DENND2B: variants seen among roughly 807,000 people sequenced by gnomAD.
DENND2B encodes DENN domain-containing protein 2B.
DENND2B carries 32 observed loss-of-function variants against 116.0 expected under a neutral mutation model. That is an observed-to-expected ratio of 0.28 (90% CI 0.21 to 0.37). The LOEUF (loss-of-function observed/expected upper bound fraction) is 0.37. DENND2B is among the 10% of genes least tolerant of loss of function. The pLI is 1.00. For missense variants in DENND2B, 1,276 were observed against 1,477.7 expected (o/e 0.86, Z 2.24); for synonymous variants, 588 against 583.9 (o/e 1.01, Z -0.10).
intron 2 of DENND2B, among the ~76,000 whole-genome samples, chr11:8,738,215 G>A (rs570541858): frequency 6.6e-6 from 1 of 152,222 alleles, no homozygotes; most frequent in African/African-American, 2.4e-5. Flanking sequence ...CCATGTGCCT[G>A]CACTGGACGT....
chr11:8,773,422 T>C (rs2057216109), intron 1 of DENND2B, among the ~76,000 whole-genome samples: 1 of 152,086 alleles, frequency 6.6e-6, no homozygotes, highest in Non-Finnish European at 1.5e-5. Flanking sequence ...CCATCAAACA[T>C]GAGCTGAAAA....
chr11:8,718,079 A>G (rs910976759), intron 4 of DENND2B, 187 bp from the exon 5 acceptor site: 2 of 515,814 alleles, frequency 3.9e-6, no homozygotes, highest in Non-Finnish European at 6.8e-6. Context: ...CCTGGCTCCA[A>G]GTCCAGAAGC....
intron 1 of DENND2B, chr11:8,774,408 C>A (rs952213773): frequency 2.5e-6 from 2 of 813,246 alleles, no homozygotes; most frequent in Non-Finnish European, 3.0e-6. Context: ...CCATTAGAAT[C>A]TAGTGTCACT....
At chr11:8,744,723 T>G (rs2134009727) in intron 2 of DENND2B, among the ~76,000 whole-genome samples, 1 of 152,280 alleles carries the variant, frequency 6.6e-6, no homozygotes, top group Non-Finnish European at 1.5e-5. Context: ...AACCAGTGAC[T>G]GCTGGGTACC....
intron 1 of DENND2B, among the ~76,000 whole-genome samples, chr11:8,902,870 A>G (rs973014560): frequency 1.3e-5 from 2 of 152,200 alleles, no homozygotes; most frequent in African/African-American, 4.8e-5. Flanking sequence ...GAGACCATTC[A>G]CATTTAACAT....
chr11:8,837,937 G>T lies in DENND2B; in HGVS notation c.-115+1373C>A, dbSNP rs142783440. On this transcript the variant is annotated intron_variant, in intron 4 of 6. Transcript: ENST00000524757. ...TGAAGGAGGTGGAAGGTGGGAAGAAGAATTCTGGAACTGAACCCGCAGAAG... is the reference window on the plus strand; with the variant it reads ...TGAAGGAGGTGGAAGGTGGGAAGAATAATTCTGGAACTGAACCCGCAGAAG... Among the ~76,000 whole-genome samples the T allele has an allele frequency of 7.1e-4, 108 of 152,314 alleles. 1 individual carries two copies. The highest frequency in any genetic ancestry group is 3.4e-3 in the Middle Eastern group (1 of 294).
chr11:8,707,025 G>T lies in DENND2B; in HGVS notation c.2571+60C>A. The T allele has an allele frequency of 6.4e-7, 1 of 1,569,236 alleles. No homozygotes were observed. Among genetic ancestry groups the T allele is most frequent in the East Asian group, 2.3e-5 (1 of 44,340 alleles). ...CCCCCAAAGACTACGACCTTGGCCA[G>T]CATGGTCCTCCTGCCACCCCAGCCC... is the stretch of plus-strand genomic sequence containing the variant. On this transcript the variant is annotated intron_variant, in intron 13 of 19. Transcript: ENST00000313726. The surrounding 1 kb of genome is among the most constrained non-coding windows in gnomAD (Gnocchi z 4.8).
chr11:8,876,889 AAAAAG>A (rs962358534), intron 2 of DENND2B, among the ~76,000 whole-genome samples: 6 of 151,696 alleles, frequency 4.0e-5, no homozygotes, highest in Admixed American at 6.6e-5. Context: ...AAAAAAAAAA[AAAAAG>A]AAAGAAAGAA....
At chr11:8,708,950 C>A (rs1177097787) in intron 11 of DENND2B, among the ~76,000 whole-genome samples, 10 of 105,054 alleles carry the variant, frequency 9.5e-5, no homozygotes, top group Admixed American at 7.1e-4. Context: ...GAAACTCTGT[C>A]TCAAAAAAAA....
At chr11:8,732,718 A>G (rs1053664392) in intron 2 of DENND2B, among the ~76,000 whole-genome samples, 2 of 152,250 alleles carry the variant, frequency 1.3e-5, no homozygotes, top group Non-Finnish European at 2.9e-5. Context: ...CTTGTCTACT[A>G]GAGTAACCAC....
chr11:8,872,203 T>A (rs552385617), upstream of DENND2B, among the ~76,000 whole-genome samples: 34 of 152,272 alleles, frequency 2.2e-4, no homozygotes, highest in South Asian at 3.9e-3. Context: ...AGATACATCC[T>A]GAGGCCGGGC....
At chr11:8,829,193 T>C (rs2062107484) in intron 4 of DENND2B, among the ~76,000 whole-genome samples, 1 of 151,744 alleles carries the variant, frequency 6.6e-6, no homozygotes, top group African/African-American at 2.4e-5. Context: ...TGTTTGTGTG[T>C]GTGGTATGTG....
At chr11:8,858,734 C>G (rs918402238) in intron 2 of DENND2B, among the ~76,000 whole-genome samples, 11 of 152,172 alleles carry the variant, frequency 7.2e-5, no homozygotes, top group African/African-American at 2.4e-4. Context: ...CTGAGGATGG[C>G]TATTCTGAAC....
chr11:8,818,743 T>C (rs1340492914), intron 4 of DENND2B, among the ~76,000 whole-genome samples: 1 of 152,264 alleles, frequency 6.6e-6, no homozygotes. Flanking sequence ...CTCTGAATTC[T>C]AGCTTAGGGC....
chr11:8,888,638 A>G (rs752112211), intron 1 of DENND2B, among the ~76,000 whole-genome samples: 5 of 152,158 alleles, frequency 3.3e-5, no homozygotes, highest in Non-Finnish European at 5.9e-5. Context: ...TAAAAATGCA[A>G]CCCACAGAAT....
At chr11:8,910,197 G>A (rs528830552) in intron 1 of DENND2B, among the ~76,000 whole-genome samples, 1 of 151,686 alleles carries the variant, frequency 6.6e-6, no homozygotes, top group South Asian at 2.1e-4. Context: ...AACTTCTCAG[G>A]CGCCCCCTGC....
chr11:8,836,104 T>C (rs1479902720), intron 4 of DENND2B, among the ~76,000 whole-genome samples: 1 of 150,800 alleles, frequency 6.6e-6, no homozygotes, highest in Non-Finnish European at 1.5e-5. Context: ...TCCCAGCACT[T>C]TGGGAGGCCG....
At chr11:8,698,166 A>AAAAAAAAAAAAG (rs1555092981) in intron 16 of DENND2B, among the ~76,000 whole-genome samples, 7 of 129,446 alleles carry the variant, frequency 5.4e-5, no homozygotes, top group South Asian at 2.6e-4. Flanking sequence ...AAAAAAAAAA[A>AAAAAAAAAAAAG]GGGGGTAGAG....
intron 2 of DENND2B, among the ~76,000 whole-genome samples, chr11:8,861,799 A>G (rs2063401219): frequency 6.6e-6 from 1 of 151,980 alleles, no homozygotes; most frequent in Non-Finnish European, 1.5e-5. Flanking sequence ...TCAACCAATG[A>G]GTGATTAAAA....
Sources: allele counts gnomAD v4.1 joint callset (sites outside exome capture counted in the v4.1 genomes callset), GRCh38; gene constraint gnomAD v4.1.1; non-coding constraint Gnocchi (gnomAD v3.1); transcripts MANE v1.5; gene names NCBI Gene and HGNC (gene_info 2026-07-23, HGNC 2026-07-21).